The following SGCZ variants were observed in gnomAD, a reference collection of about 807,000 sequenced individuals.
SGCZ encodes sarcoglycan zeta, also known as zeta-sarcoglycan.
SGCZ carries 40 observed loss-of-function variants against 41.3 expected under a neutral mutation model. The ratio of observed to expected loss-of-function variants is 0.97; its 90% confidence interval spans 0.75 to 1.26. SGCZ has a LOEUF of 1.26. Ranked by LOEUF, SGCZ falls within the 50% of genes most tolerant of loss-of-function variation. The probability of loss-of-function intolerance (pLI) is 0.00; values close to 1 mark genes in which losing one functional copy is unlikely to be tolerated. For synonymous variants in SGCZ, 206 were observed against 137.5 expected (o/e 1.50, Z -3.49); for missense variants, 552 against 369.8 (o/e 1.49, Z -4.04).
At chr8:15,002,657 T>G (rs1011593409) in intron 1 of SGCZ, among the ~76,000 whole-genome samples, 1 of 152,112 alleles carries the variant, frequency 6.6e-6, no homozygotes, top group Admixed American at 6.5e-5. Flanking sequence ...CTTCTCAAGC[T>G]TTTTGGGGGG....
chr8:14,188,551 C>G (rs183342238), intron 4 of SGCZ, among the ~76,000 whole-genome samples: 4 of 152,242 alleles, frequency 2.6e-5, no homozygotes, highest in Admixed American at 2.6e-4. Flanking sequence ...TGGGACAGGT[C>G]TGTCGGTGCT....
At chr8:14,700,458 G>C (rs9918784) in intron 1 of SGCZ, among the ~76,000 whole-genome samples, 1 of 151,852 alleles carries the variant, frequency 6.6e-6, no homozygotes, top group Non-Finnish European at 1.5e-5. Context: ...AGGACTACTA[G>C]AGGATGGATG....
chr8:15,021,857 T>A (rs1803261423), intron 1 of SGCZ, among the ~76,000 whole-genome samples: 1 of 152,204 alleles, frequency 6.6e-6, no homozygotes, highest in African/African-American at 2.4e-5. Context: ...CTTGACCACC[T>A]CCTGGAATGC....
chr8:14,736,185 T>C (rs1799023701), intron 1 of SGCZ, among the ~76,000 whole-genome samples: 1 of 152,128 alleles, frequency 6.6e-6, no homozygotes, highest in Admixed American at 6.6e-5. Context: ...ATATGAGCCA[T>C]GTTTTGTAGA....
At chr8:15,164,107 C>A (rs1333796807) in intron 1 of SGCZ, among the ~76,000 whole-genome samples, 2 of 152,210 alleles carry the variant, frequency 1.3e-5, no homozygotes, top group African/African-American at 4.8e-5. Flanking sequence ...TCTCACTCAC[C>A]ATTCAAATTG....
intron 1 of SGCZ, among the ~76,000 whole-genome samples, chr8:15,161,035 T>C (rs1392618037): frequency 6.6e-6 from 1 of 152,078 alleles, no homozygotes; most frequent in Non-Finnish European, 1.5e-5. Context: ...TCCTGCTCAG[T>C]CCTTCAACGG....
chr8:14,550,863 G>A (rs1483706631), intron 2 of SGCZ, among the ~76,000 whole-genome samples: 1 of 151,854 alleles, frequency 6.6e-6, no homozygotes, highest in African/African-American at 2.4e-5. Flanking sequence ...GTAATGTACA[G>A]ATAGTTGTTC....
At chr8:14,409,937 A>G (rs1799314389) in intron 2 of SGCZ, among the ~76,000 whole-genome samples, 1 of 152,126 alleles carries the variant, frequency 6.6e-6, no homozygotes, top group African/African-American at 2.4e-5. Flanking sequence ...GCTTTCCCTT[A>G]AAATCAATGA....
chr8:14,634,549 A>G (rs1271363577), intron 1 of SGCZ, among the ~76,000 whole-genome samples: 1 of 151,884 alleles, frequency 6.6e-6, no homozygotes, highest in Non-Finnish European at 1.5e-5. Flanking sequence ...TTTTAAATAA[A>G]TCAGATTGAA....
intron 1 of SGCZ, among the ~76,000 whole-genome samples, chr8:14,808,981 CA>C (rs1159079986): frequency 6.7e-6 from 1 of 149,118 alleles, no homozygotes; most frequent in Admixed American, 6.8e-5. Flanking sequence ...ATCGCAAGAA[CA>C]AAAAACCAAA....
intron 4 of SGCZ, among the ~76,000 whole-genome samples, chr8:14,190,648 G>A (rs1031104733): frequency 1.3e-5 from 2 of 151,880 alleles, no homozygotes; most frequent in African/African-American, 2.4e-5. Context: ...TGTCGCCCAG[G>A]CTGGAGTGCA....
intron 1 of SGCZ, among the ~76,000 whole-genome samples, chr8:14,670,768 C>A (rs1216496466): frequency 6.6e-6 from 1 of 152,136 alleles, no homozygotes; most frequent in Admixed American, 6.5e-5. Context: ...GATCCTTGTT[C>A]CTCATTTTAA....
At chr8:14,449,940 A>G (rs1334398684) in intron 2 of SGCZ, among the ~76,000 whole-genome samples, 1 of 152,204 alleles carries the variant, frequency 6.6e-6, no homozygotes, top group Non-Finnish European at 1.5e-5. Flanking sequence ...AACAATATAG[A>G]CAATATAATG....
At chr8:14,443,195 T>C (rs1000967932) in intron 2 of SGCZ, among the ~76,000 whole-genome samples, 1 of 152,174 alleles carries the variant, frequency 6.6e-6, no homozygotes, top group African/African-American at 2.4e-5. Flanking sequence ...TCCATGCTCA[T>C]GGGTAGGAAG....
chr8:15,101,126 A>G (rs1806596232), intron 1 of SGCZ, among the ~76,000 whole-genome samples: 1 of 152,226 alleles, frequency 6.6e-6, no homozygotes, highest in Non-Finnish European at 1.5e-5. Context: ...ACCTAACGTA[A>G]AACTCAAGAC....
At chr8:14,674,222 G>A (rs952679237) in intron 1 of SGCZ, among the ~76,000 whole-genome samples, 23 of 150,360 alleles carry the variant, frequency 1.5e-4, no homozygotes, top group African/African-American at 5.6e-4. Context: ...TTTTCTAAAC[G>A]TGAAATCATC....
At chr8:14,224,374 G>C (rs540599961) in intron 4 of SGCZ, among the ~76,000 whole-genome samples, 1 of 152,238 alleles carries the variant, frequency 6.6e-6, no homozygotes, top group African/African-American at 2.4e-5. Flanking sequence ...AGGTACTATG[G>C]TGAGTGTGAG....
intron 3 of SGCZ, chr8:14,309,328 A>G: frequency 1.3e-6 from 2 of 1,599,824 alleles, no homozygotes; most frequent in Admixed American, 3.3e-5. Flanking sequence ...CTATGTGGGA[A>G]GATGAGAAAA....
At chr8:14,831,513 T>G (rs1802525593) in intron 1 of SGCZ, among the ~76,000 whole-genome samples, 1 of 152,118 alleles carries the variant, frequency 6.6e-6, no homozygotes, top group African/African-American at 2.4e-5. Flanking sequence ...TGAACTTCAG[T>G]CTACTACTTA....
Sources: gnomAD v4.1 joint callset for allele counts (sites outside exome capture counted in the v4.1 genomes callset) on GRCh38, gnomAD v4.1.1 for gene constraint, MANE v1.5 for transcripts, NCBI Gene and HGNC (gene_info 2026-07-23, HGNC 2026-07-21) for gene names.